COPA: variants seen among roughly 807,000 people sequenced by gnomAD.
COPA encodes the protein coatomer subunit alpha.
In COPA, 10 loss-of-function variants were observed where a neutral mutation model predicts 158.7. The ratio of observed to expected loss-of-function variants is 0.06; its 90% CI spans 0.04 to 0.11. The LOEUF (loss-of-function observed/expected upper bound fraction) is 0.11, where lower values mean the gene tolerates loss of function less well. Ranked by LOEUF, COPA falls within the 10% of genes least tolerant of loss-of-function variation. The pLI is 1.00. For synonymous variants in COPA, 462 were observed against 542.8 expected (o/e 0.85, Z 2.07); for missense variants, 1,065 against 1,536.7 (o/e 0.69, Z 5.13).
chr1:160,296,505 T>C (rs1392662413), intron 21 of COPA, among the ~76,000 whole-genome samples: 1 of 152,142 alleles, frequency 6.6e-6, no homozygotes, highest in African/African-American at 2.4e-5. Context: ...AGCAAGGACA[T>C]GGGGGCTGCC....
At chr1:160,295,044 G>A (rs1192552320) in intron 23 of COPA, among the ~76,000 whole-genome samples, 187 bp from the exon 24 acceptor site, 1 of 152,196 alleles carries the variant, frequency 6.6e-6, no homozygotes, top group African/African-American at 2.4e-5. Flanking sequence ...CTTTCACAGA[G>A]GGAGGGAATA....
intron 11 of COPA, 93 bp from the exon 12 acceptor site, chr1:160,310,351 T>C (rs928335912): frequency 4.6e-6 from 3 of 654,530 alleles, no homozygotes; most frequent in Admixed American, 2.8e-5. Context: ...ACTTATCCAA[T>C]CTTTACACTA....
In COPA at chr1:160,303,175, G is replaced by C. The variant is rs1445103373; in HGVS notation, c.1667+2258C>G. On this transcript the variant is annotated intron_variant, in intron 17 of 32. Coordinates refer to ENST00000241704, the MANE Select transcript of COPA (RefSeq NM_004371.4). The stretch of plus-strand genomic sequence containing the variant: ...GATTACGCCACTGTACTCCAGCCTG[G>C]GCAACAGAGTGAGACTCCATCTCAA... 3.3e-5 allele frequency among the ~76,000 whole-genome samples: 5 copies of C among 151,984 alleles called. No individual in the cohort carries two copies. In the South Asian group the frequency reaches 8.3e-4, roughly 25 times the overall value.
intron 8 of COPA, among the ~76,000 whole-genome samples, chr1:160,320,357 C>G (rs992094028): frequency 1.3e-5 from 2 of 152,016 alleles, no homozygotes; most frequent in African/African-American, 4.8e-5. Flanking sequence ...CGTCTGTAAT[C>G]CCAGCACTTT....
chr1:160,307,456 G>A (rs560104589), intron 13 of COPA, among the ~76,000 whole-genome samples: 32 of 152,320 alleles, frequency 2.1e-4, no homozygotes, highest in African/African-American at 6.7e-4. Context: ...CCCCTGCCAA[G>A]GCTCTTTTCT....
intron 4 of COPA, 138 bp downstream of exon 4, chr1:160,335,104 G>C (rs1028406626): frequency 3.3e-6 from 2 of 611,676 alleles, no homozygotes; most frequent in African/African-American, 3.8e-5. Flanking sequence ...AAAGCAGAAA[G>C]GACAATACCA....
intron 13 of COPA, 82 bp downstream of exon 13, chr1:160,309,019 G>C (rs1417949279): frequency 8.9e-7 from 1 of 1,121,560 alleles, no homozygotes; most frequent in African/African-American, 1.5e-5. Flanking sequence ...CTTGGGGATG[G>C]AATGTGAAAA....
chr1:160,339,090 G>A (rs982353814), intron 3 of COPA, among the ~76,000 whole-genome samples: 35 of 125,128 alleles, frequency 2.8e-4, no homozygotes, highest in Admixed American at 2.0e-3. Flanking sequence ...ACCTAAACTA[G>A]AAGCCTGAAA....
chr1:160,320,113 T>C (rs1426633515), intron 8 of COPA, among the ~76,000 whole-genome samples: 1 of 151,888 alleles, frequency 6.6e-6, no homozygotes, highest in Non-Finnish European at 1.5e-5. Context: ...GAAAAGATAG[T>C]ATCAACAAAC....
chr1:160,289,501 C>T lies in COPA; in HGVS notation c.*656G>A, dbSNP rs1163523514. The T allele has an allele frequency of 6.6e-6, 1 of 152,038 alleles. No individual in the cohort carries two copies. The highest frequency in any genetic ancestry group is 1.5e-5 in the Non-Finnish European group (1 of 68,014). The allele number at this position is 152,038 out of a possible 1,614,324, so 9.4% of individuals were successfully genotyped here. A position where few individuals can be genotyped will look rare whatever the true frequency, so the allele number is the denominator to read the frequency against. On this transcript the variant is annotated 3_prime_UTR_variant, in exon 33 of 33. Transcript: ENST00000241704. ...CAAAATGTATTTATTACATCCTGCTCCTTTCTAGTTGACAGGAAAGAAAGC... is the reference window on the plus strand; with the variant it reads ...CAAAATGTATTTATTACATCCTGCTTCTTTCTAGTTGACAGGAAAGAAAGC...
At chr1:160,293,022 A>T (rs1429474698) in intron 27 of COPA, 144 bp downstream of exon 27, 10 of 834,066 alleles carry the variant, frequency 1.2e-5, no homozygotes, top group Middle Eastern at 2.4e-4. Context: ...AGGCAAGTGT[A>T]CTTAACAAAG....
chr1:160,297,863 T>G, intron 19 of COPA, 118 bp from the exon 20 acceptor site: 1 of 1,082,300 alleles, frequency 9.2e-7, no homozygotes, highest in Non-Finnish European at 1.3e-6. Flanking sequence ...TACTTTCAAT[T>G]ACTCCTAGCT....
At chr1:160,294,880 G>A (rs1453122531) in intron 23 of COPA, 23 bp from the exon 24 acceptor site, 15 of 1,606,950 alleles carry the variant, frequency 9.3e-6, no homozygotes, top group East Asian at 2.2e-5. Context: ...GGAACAGAAC[G>A]GAACTGGTTA....
At chr1:160,326,600 G>C (rs181564494) in intron 6 of COPA, among the ~76,000 whole-genome samples, 1 of 152,192 alleles carries the variant, frequency 6.6e-6, no homozygotes, top group South Asian at 2.1e-4. Flanking sequence ...GCTGATGGGG[G>C]AAGTTCCAAA....
intron 5 of COPA, 120 bp from the exon 6 acceptor site, chr1:160,332,677 G>A (rs924194523): frequency 5.1e-6 from 3 of 591,418 alleles, no homozygotes; most frequent in East Asian, 5.8e-5. Flanking sequence ...GGAGACAAAG[G>A]CAGGTCATCC....
chr1:160,319,437 T>C (rs1659260778), intron 8 of COPA, among the ~76,000 whole-genome samples: 2 of 150,982 alleles, frequency 1.3e-5, no homozygotes, highest in Admixed American at 1.3e-4. Flanking sequence ...ATGATAATAG[T>C]AGGAGAGCTA....
Position 160,305,780 on chromosome 1 carries a change from T to C in COPA, c.1443-7A>G. On this transcript the variant is annotated splice_region_variant and splice_polypyrimidine_tract_variant and intron_variant, in intron 15 of 32. Transcript: ENST00000241704. ...CTTCACAGATGCCAGAGTCCTGAGA[T>C]AGATAGAGATGTGCAAACATGAATG... The C allele has an allele frequency of 6.2e-7, 1 of 1,610,408 alleles. No individual in the cohort carries two copies. The highest frequency in any genetic ancestry group is 1.1e-5 in the South Asian group (1 of 90,996).
Position 160,309,274 on chromosome 1 carries a change from A to C in COPA, c.1144-98T>G, listed in dbSNP as rs1658888690. ...CAGAGAAAACAGTTCCATTGCACAG[A>C]CACCAATCTGAAACCATACTTTTCT... On this transcript the variant is annotated intron_variant, in intron 12 of 32. Coordinates refer to ENST00000241704, the MANE Select transcript of COPA (RefSeq NM_004371.4). The C allele has an allele frequency of 5.7e-6, 5 of 869,730 alleles. No homozygotes were observed. The Admixed American group carries it at 9.6e-5, about 17-fold the overall frequency. 53.9% of individuals were successfully genotyped at this position (869,730 alleles called of 1,614,324 possible). A position where few individuals can be genotyped will look rare whatever the true frequency, so the allele number is the denominator to read the frequency against.
rs1553206131 is a variant in COPA, at chr1:160,322,989, G to GCGCACACA, written c.706+441_706+442insTGTGTGCG. ...TAAAGAAAATTACATACGCGCACGT[G>GCGCACACA]CACACACACACACACACACACACAC... On this transcript the variant is annotated intron_variant, in intron 8 of 32. Coordinates refer to ENST00000241704, the MANE Select transcript of COPA (RefSeq NM_004371.4). 3.4e-5 allele frequency among the ~76,000 whole-genome samples: 5 copies of GCGCACACA among 145,410 alleles called. No individual in the cohort carries two copies. The East Asian group carries it at 8.3e-4, about 24-fold the overall frequency.
Sources: gnomAD v4.1 joint callset for allele counts (sites outside exome capture counted in the v4.1 genomes callset) on GRCh38, gnomAD v4.1.1 for gene constraint, MANE v1.5 for transcripts, NCBI Gene and HGNC (gene_info 2026-07-23, HGNC 2026-07-21) for gene names.